The following ARHGAP10 variants were observed in gnomAD, a reference collection of about 807,000 sequenced individuals.
ARHGAP10 encodes Rho GTPase activating protein 10.
Under a neutral mutation model 108.6 loss-of-function variants are expected in ARHGAP10, and 87 were observed. The ratio of observed to expected loss-of-function variants is 0.80; its 90% confidence interval spans 0.67 to 0.96. The LOEUF (loss-of-function observed/expected upper bound fraction) is 0.96. Among genes scored for constraint, ARHGAP10 ranks in the 40% least tolerant of loss-of-function variants. The probability of loss-of-function intolerance (pLI) is 0.00; values close to 1 mark genes in which losing one functional copy is unlikely to be tolerated. For synonymous variants in ARHGAP10, 347 were observed against 341.1 expected, an observed-to-expected ratio of 1.02 and a Z score of -0.19; for missense variants, 939 against 954.5, an observed-to-expected ratio of 0.98 and a Z score of 0.21.
At chr4:147,733,463 G>A (rs1420949801) in intron 1 of ARHGAP10, among the ~76,000 whole-genome samples, 1 of 152,116 alleles carries the variant, frequency 6.6e-6, no homozygotes, top group Non-Finnish European at 1.5e-5. Context: ...AGGGACTTGG[G>A]CAGTATCCAG....
intron 7 of ARHGAP10, among the ~76,000 whole-genome samples, chr4:147,869,276 G>A (rs1014286487): frequency 2.0e-5 from 3 of 152,144 alleles, no homozygotes; most frequent in African/African-American, 7.2e-5. Context: ...GGAAACATCA[G>A]TCTCTTGGGA....
At chr4:147,930,466 G>A (rs61300612) in intron 13 of ARHGAP10, among the ~76,000 whole-genome samples, 8,213 of 152,210 alleles carry the variant, frequency 0.054, 710 homozygotes, top group African/African-American at 0.18. Context: ...TGCCCCTGAA[G>A]CTGAAAAGAT....
Position 148,072,240 on chromosome 4 carries a change from G to T in ARHGAP10, c.*159G>T. On this transcript the variant is annotated 3_prime_UTR_variant, in exon 23 of 23. Coordinates refer to ENST00000336498, the MANE Select transcript of ARHGAP10 (RefSeq NM_024605.4). The stretch of plus-strand genomic sequence containing the variant: ...CAGCCCTGGGGGTGGGGGGTGGTGG[G>T]CAGGGATGGGACGCACCACACAGAA... 1 of 447,920 alleles carries T rather than the reference G, an allele frequency of 2.2e-6. No homozygotes were observed. The highest frequency in any genetic ancestry group is 4.0e-6 in the Non-Finnish European group (1 of 249,820). 27.7% of individuals were successfully genotyped at this position (447,920 alleles called of 1,614,324 possible).
chr4:148,071,622 A>AAAAC (rs960660675), intron 22 of ARHGAP10, among the ~76,000 whole-genome samples: 60 of 127,464 alleles, frequency 4.7e-4, no homozygotes, highest in South Asian at 3.7e-3. Flanking sequence ...TCTCAGGAAG[A>AAAAC]AAACAAACAA....
chr4:147,855,340 CTGTT>C (rs1734039183), intron 4 of ARHGAP10, among the ~76,000 whole-genome samples: 1 of 152,076 alleles, frequency 6.6e-6, no homozygotes, highest in Admixed American at 6.6e-5. Context: ...TAATGGGCAT[CTGTT>C]TGTTTCAGTT....
intron 19 of ARHGAP10, among the ~76,000 whole-genome samples, chr4:148,023,839 C>T (rs957470528): frequency 6.6e-6 from 1 of 152,198 alleles, no homozygotes; most frequent in Non-Finnish European, 1.5e-5. Flanking sequence ...GCCTTACTTG[C>T]CCCATTTTTC....
intron 3 of ARHGAP10, among the ~76,000 whole-genome samples, chr4:147,836,933 C>T (rs946011177): frequency 1.3e-5 from 2 of 152,070 alleles, no homozygotes; most frequent in South Asian, 2.1e-4. Flanking sequence ...TATTTTCTGT[C>T]ATCTAAAAAT....
intron 6 of ARHGAP10, chr4:147,865,286 A>T: frequency 5.1e-6 from 1 of 197,364 alleles, no homozygotes; most frequent in Non-Finnish European, 1.0e-5. Context: ...AGAATGAGTG[A>T]ACATGGGTTG....
At chr4:147,733,226 C>G (rs1302170173) in intron 1 of ARHGAP10, among the ~76,000 whole-genome samples, 1 of 152,162 alleles carries the variant, frequency 6.6e-6, no homozygotes, top group African/African-American at 2.4e-5. Flanking sequence ...ACACGAGATA[C>G]AGGAGAGATA....
chr4:147,848,859 C>T (rs1316836481), intron 4 of ARHGAP10, among the ~76,000 whole-genome samples: 1 of 152,220 alleles, frequency 6.6e-6, no homozygotes, highest in Admixed American at 6.5e-5. Context: ...TGCAAAGCAA[C>T]TTGCACAATA....
chr4:147,795,813 G>A (rs1240450403), intron 1 of ARHGAP10, among the ~76,000 whole-genome samples: 1 of 151,222 alleles, frequency 6.6e-6, no homozygotes, highest in South Asian at 2.1e-4. Context: ...TCCTGCCTCA[G>A]CCTCCCGAAT....
At position 148,002,460 on chromosome 4, in the gene ARHGAP10, A is replaced by G. The variant is rs192800726; in HGVS notation, c.1717-20803A>G. On this transcript the variant is annotated intron_variant, in intron 18 of 22. Coordinates refer to ENST00000336498, the MANE Select transcript of ARHGAP10 (RefSeq NM_024605.4). ...GTTAGGGAGGATTTCCTCTTTTTCT[A>G]TTGATTGGCATAGTTTCAGAAGGAA... Among the ~76,000 whole-genome samples, 253 of 152,222 alleles carry G rather than the reference A, an allele frequency of 1.7e-3. 1 individual carries two copies. Among genetic ancestry groups the G allele is most frequent in the African/African-American group, 5.7e-3 (235 of 41,536 alleles).
chr4:147,736,774 A>G (rs886722709), intron 1 of ARHGAP10, among the ~76,000 whole-genome samples: 1 of 152,248 alleles, frequency 6.6e-6, no homozygotes. Flanking sequence ...TTAAGAAACT[A>G]TAAGTCCGTT....
chr4:147,991,944 T>C (rs1740293770), intron 18 of ARHGAP10, among the ~76,000 whole-genome samples: 1 of 152,184 alleles, frequency 6.6e-6, no homozygotes, highest in Admixed American at 6.5e-5. Context: ...GGTCTCCCCG[T>C]TCTATAGGTG....
At chr4:147,983,886 G>A (rs968534096) in intron 18 of ARHGAP10, among the ~76,000 whole-genome samples, 7 of 152,160 alleles carry the variant, frequency 4.6e-5, no homozygotes, top group African/African-American at 1.7e-4. Flanking sequence ...TCTACTGCTG[G>A]AGTTCTTATG....
rs549725788 is a variant in ARHGAP10 at position 147,937,074 on chromosome 4, C to T, written c.1229-2751C>T. On this transcript the variant is annotated intron_variant, in intron 13 of 22. Transcript: ENST00000336498. ...TGAATCATTCTGAAACCATCCCCCCCACCCCAATCGGTGGAAAAATTGTCT... is the reference window on the plus strand; with the variant it reads ...TGAATCATTCTGAAACCATCCCCCCTACCCCAATCGGTGGAAAAATTGTCT... Among the ~76,000 whole-genome samples, 4 of 152,306 alleles carry T rather than the reference C, an allele frequency of 2.6e-5. 1 individual carries two copies. The highest frequency in any genetic ancestry group is 6.8e-3 in the Middle Eastern group (2 of 294).
intron 1 of ARHGAP10, among the ~76,000 whole-genome samples, chr4:147,811,643 G>GA (rs368502034): frequency 6.6e-6 from 1 of 151,206 alleles, no homozygotes; most frequent in Non-Finnish European, 1.5e-5. Flanking sequence ...TTTGAGGGGG[G>GA]AGCTTACCTT....
chr4:147,805,748 C>T (rs151322142), intron 1 of ARHGAP10, among the ~76,000 whole-genome samples: 17 of 152,220 alleles, frequency 1.1e-4, no homozygotes, highest in African/African-American at 3.9e-4. Context: ...TCAGAGTTTA[C>T]GGCAACAGTG....
At chr4:147,911,874 T>C (rs1434426136) in intron 12 of ARHGAP10, among the ~76,000 whole-genome samples, 2 of 151,792 alleles carry the variant, frequency 1.3e-5, no homozygotes. Context: ...AATATCAAAA[T>C]TTTAATTCAA....
Sources: gnomAD v4.1 joint callset for allele counts (sites outside exome capture counted in the v4.1 genomes callset) on GRCh38, gnomAD v4.1.1 for gene constraint, MANE v1.5 for transcripts, NCBI Gene and HGNC (gene_info 2026-07-23, HGNC 2026-07-21) for gene names.